The following MYBPC1 variants were observed in gnomAD, a reference collection of about 807,000 sequenced individuals.
MYBPC1 encodes the protein myosin binding protein C1.
In MYBPC1, 52 loss-of-function variants were observed where a neutral mutation model predicts 147.1. The ratio of observed to expected loss-of-function variants is 0.35; its 90% CI spans 0.28 to 0.45. The LOEUF is 0.45. MYBPC1 is among the 20% of genes least tolerant of loss of function. The pLI, the probability that MYBPC1 is intolerant of heterozygous loss-of-function variation, is 1.00. For synonymous variants in MYBPC1, 477 were observed against 475.9 expected (o/e 1.00, Z -0.03); for missense variants, 1,228 against 1,440.3 (o/e 0.85, Z 2.39).
At chr12:101,655,452 A>T (rs1450307368) in intron 18 of MYBPC1, among the ~76,000 whole-genome samples, 1 of 152,198 alleles carries the variant, frequency 6.6e-6, no homozygotes, top group African/African-American at 2.4e-5. Context: ...AGTCCAAAAA[A>T]ATTTAAAGAA....
rs778081079 is a variant in MYBPC1 at position 101,673,494 on chromosome 12, T to C, written c.2681T>C (p.Ile894Thr). ...GAAATTGATAAGAATCAAATAAACA[T>C]TCGCAACTCTGAGACTGATACAATC... is the stretch of plus-strand genomic sequence containing the variant. ...GAEIDKNQIN[I>T]RNSETDTIIF... Residue 894 changes from isoleucine (I) to threonine (T), a missense_variant, in exon 25 of 32, where the codon ATT becomes ACT. Ile to Thr is a moderately conservative substitution (Grantham distance 89). Around this residue, in one of 2 missense-constraint regions of MYBPC1, gnomAD observed 1,077 missense variants for 1,314.2 expected, o/e 0.82. Transcript: ENST00000361466. 4 of 1,613,908 alleles carry C rather than the reference T, an allele frequency of 2.5e-6. No individual in the cohort carries two copies. Among genetic ancestry groups the C allele is most frequent in the Non-Finnish European group, 3.4e-6 (4 of 1,180,002 alleles).
rs11110900 is a variant in MYBPC1, at chr12:101,634,666, A to G, written c.608+61A>G. 573 of 1,335,314 alleles carry G rather than the reference A, an allele frequency of 4.3e-4. 1 individual carries two copies. The African/African-American group carries it at 7.3e-3, about 17-fold the overall frequency. 82.7% of individuals were successfully genotyped at this position (1,335,314 alleles called of 1,614,324 possible). On this transcript the variant is annotated intron_variant, in intron 9 of 31. Transcript: ENST00000361466. ...TAACACAGAAGTGGAGGATTTTCAA[A>G]CACATTTCCTTTCCCCTGTATTCCG... is the stretch of plus-strand genomic sequence containing the variant.
Position 101,649,604 on chromosome 12 carries a change from C to G in MYBPC1, c.1363+178C>G, listed in dbSNP as rs529337785. On this transcript the variant is annotated intron_variant, in intron 15 of 31. Transcript: ENST00000361466. The stretch of plus-strand genomic sequence containing the variant: ...CAATCAGGATATTTAAGGAAGGAAC[C>G]ACGACTCAATTTAATAGTAGAGCGC... Among the ~76,000 whole-genome samples the G allele has an allele frequency of 9.2e-5, 14 of 152,088 alleles. No homozygotes were observed. The South Asian group carries it at 2.9e-3, about 32-fold the overall frequency.
intron 1 of MYBPC1, among the ~76,000 whole-genome samples, chr12:101,604,189 C>G (rs1052426344): frequency 5.3e-5 from 8 of 152,066 alleles, no homozygotes; most frequent in Non-Finnish European, 1.0e-4. Context: ...CAATGAGAAG[C>G]TATTTGTTGC....
intron 30 of MYBPC1, 37 bp from the exon 31 acceptor site, chr12:101,684,345 C>A (rs377484332): frequency 1.1e-5 from 17 of 1,519,878 alleles, no homozygotes; most frequent in Non-Finnish European, 1.3e-5. Context: ...TTAATGCTTA[C>A]GACTTCTCTC....
At position 101,677,408 on chromosome 12, in the gene MYBPC1, G is replaced by T; in HGVS notation, c.3109+14G>T. On this transcript the variant is annotated intron_variant, in intron 27 of 31. Coordinates refer to ENST00000361466, the MANE Select transcript of MYBPC1 (RefSeq NM_002465.4). ...TCGCCAGGGATGGTGAGTTGGGAAT[G>T]GACTGACATTTGAAAACCTTGGTTG... 6.2e-7 allele frequency: 1 copy of T among 1,613,670 alleles called. No individual in the cohort carries two copies. The highest frequency in any genetic ancestry group is 8.5e-7 in the Non-Finnish European group (1 of 1,179,898).
intron 18 of MYBPC1, among the ~76,000 whole-genome samples, chr12:101,659,093 G>A (rs567723169): frequency 3.3e-5 from 5 of 152,222 alleles, no homozygotes; most frequent in East Asian, 1.9e-4. Context: ...GCTCAACCTC[G>A]CTCTGTCTTT....
Position 101,644,793 on chromosome 12 carries a change from C to T in MYBPC1, c.962C>T (p.Thr321Ile). The change falls in exon 12 of 32, where the codon ACC becomes ATC. Residue 321 changes from threonine (T) to isoleucine (I), a missense_variant. By Grantham distance (89) the Thr-to-Ile change is moderately conservative. Coordinates refer to ENST00000361466, the MANE Select transcript of MYBPC1 (RefSeq NM_002465.4). Reference protein sequence around the residue: ...YKNGQEIRPSTKYIFEHKGCQ... With the variant: ...YKNGQEIRPSIKYIFEHKGCQ... ...AATGGTCAAGAAATTCGACCCAGTA[C>T]CAAGTAAGTGGGCTTTGCAAAAATC... The T allele has an allele frequency of 6.2e-7, 1 of 1,613,626 alleles. No homozygotes were observed. Among genetic ancestry groups the T allele is most frequent in the Non-Finnish European group, 8.5e-7 (1 of 1,179,726 alleles).
Position 101,652,996 on chromosome 12 carries a change from C to G in MYBPC1, c.1634-119C>G. ...CCAGGCACCAACTATCTTGACTCCT[C>G]TTATATTCTTTTTGATTAGATAAAA... On this transcript the variant is annotated intron_variant, in intron 17 of 31. Coordinates refer to ENST00000361466, the MANE Select transcript of MYBPC1 (RefSeq NM_002465.4). The G allele has an allele frequency of 2.2e-6, 3 of 1,381,038 alleles. No individual in the cohort carries two copies. The South Asian group carries it at 3.7e-5, about 17-fold the overall frequency. The allele number at this position is 1,381,038 out of a possible 1,614,324, so 85.5% of individuals were successfully genotyped here. A position where few individuals can be genotyped will look rare whatever the true frequency, so the allele number is the denominator to read the frequency against.
chr12:101,609,249 G>A (rs986138280), intron 1 of MYBPC1, among the ~76,000 whole-genome samples: 1 of 151,914 alleles, frequency 6.6e-6, no homozygotes, highest in African/African-American at 2.4e-5. Flanking sequence ...AGCATCACCT[G>A]GGAGCCTTGT....
Position 101,629,476 on chromosome 12 carries a change from A to G in MYBPC1, c.221A>G (p.Lys74Arg). ...ACTCCTCCTGGGGAGGAACAAGCCA[A>G]GCAGAATGCCAACTCCCAGCTGTCC... ...VETPPGEEQA[K>R]QNANSQLSIL... is the part of the protein sequence containing the mutation. Residue 74 changes from lysine to arginine, a missense_variant, in exon 6 of 32, where the codon AAG becomes AGG. Physicochemically the swap from Lys to Arg is conservative, Grantham distance 26 (BLOSUM62 2). Coordinates refer to ENST00000361466, the MANE Select transcript of MYBPC1 (RefSeq NM_002465.4). 1 of 1,614,098 alleles carries G rather than the reference A, an allele frequency of 6.2e-7. No individual in the cohort carries two copies. The highest frequency in any genetic ancestry group is 8.5e-7 in the Non-Finnish European group (1 of 1,179,990).
intron 9 of MYBPC1, 108 bp from the exon 10 acceptor site, chr12:101,636,564 C>A: frequency 1.1e-6 from 1 of 880,108 alleles, no homozygotes; most frequent in Non-Finnish European, 1.9e-6. Context: ...TGATTTAGTC[C>A]TTGTGTGGCA....
Position 101,629,556 on chromosome 12 carries a change from G to A in MYBPC1, c.289+12G>A, listed in dbSNP as rs772791997. ...AACAGTGAAAGTTGGTGAGTGCCTA[G>A]CATTCAATCCTTCCTTTTTTAAAAA... On this transcript the variant is annotated intron_variant, in intron 6 of 31. Transcript: ENST00000361466. 5 of 1,576,992 alleles carry A rather than the reference G, an allele frequency of 3.2e-6. No individual in the cohort carries two copies. Among genetic ancestry groups the A allele is most frequent in the Non-Finnish European group, 4.4e-6 (5 of 1,146,766 alleles).
chr12:101,646,253 T>C (rs1014375712), intron 12 of MYBPC1, among the ~76,000 whole-genome samples: 1 of 152,122 alleles, frequency 6.6e-6, no homozygotes, highest in East Asian at 1.9e-4. Context: ...ATAGTATATA[T>C]AAATATGCTT....
chr12:101,621,348 T>C (rs1887336956), intron 3 of MYBPC1, among the ~76,000 whole-genome samples: 1 of 152,240 alleles, frequency 6.6e-6, no homozygotes, highest in Non-Finnish European at 1.5e-5. Flanking sequence ...TCATTAAATG[T>C]ACATACTTAT....
downstream of MYBPC1, among the ~76,000 whole-genome samples, chr12:101,690,685 T>A (rs1951400014): frequency 6.6e-6 from 1 of 152,208 alleles, no homozygotes. Context: ...AACCCTAAAT[T>A]GCTTTTGCAA....
intron 22 of MYBPC1, among the ~76,000 whole-genome samples, chr12:101,667,185 T>C (rs1027866713): frequency 5.2e-5 from 8 of 152,382 alleles, no homozygotes; most frequent in Non-Finnish European, 5.9e-5. Context: ...AACTGTTTTC[T>C]CTTTGTGAAA....
intron 12 of MYBPC1, 138 bp downstream of exon 12, chr12:101,644,934 G>A (rs1892754740): frequency 2.2e-6 from 2 of 892,032 alleles, no homozygotes; most frequent in Non-Finnish European, 1.8e-6. Flanking sequence ...AAACATTTAA[G>A]TCACATTTTA....
intron 22 of MYBPC1, among the ~76,000 whole-genome samples, chr12:101,665,428 G>C (rs193113857): frequency 2.6e-5 from 4 of 152,214 alleles, no homozygotes; most frequent in Admixed American, 2.0e-4. Flanking sequence ...TTCTGTAAGA[G>C]AATTCTTTGT....
Sources: allele counts gnomAD v4.1 joint callset (sites outside exome capture counted in the v4.1 genomes callset), GRCh38; gene constraint gnomAD v4.1.1; regional missense constraint gnomAD v4.1.1; transcripts MANE v1.5; gene names NCBI Gene and HGNC (gene_info 2026-07-23, HGNC 2026-07-21).